The following BSN variants were observed in gnomAD, a reference collection of about 807,000 sequenced individuals.
BSN encodes the protein bassoon presynaptic cytomatrix protein, also known as protein bassoon.
Under a neutral mutation model 264.8 loss-of-function variants are expected in BSN, and 57 were observed. The ratio of observed to expected loss-of-function variants is 0.22; its 90% CI spans 0.17 to 0.27. The LOEUF is 0.27. BSN is among the 10% of genes least tolerant of loss of function. The probability of loss-of-function intolerance (pLI) is 1.00; values close to 1 mark genes in which losing one functional copy is unlikely to be tolerated. For synonymous variants in BSN, 2,059 were observed against 2,137.3 expected, an observed-to-expected ratio of 0.96 and a Z score of 1.01; for missense variants, 4,615 against 5,232.5, an observed-to-expected ratio of 0.88 and a Z score of 3.64.
Position 49,606,204 on chromosome 3 carries a change from T to A in BSN, c.225-18771T>A, listed in dbSNP as rs867915729. On this transcript the variant is annotated intron_variant, in intron 1 of 11. Coordinates refer to ENST00000296452, the MANE Select transcript of BSN (RefSeq NM_003458.4). Reference sequence around the variant, plus strand: ...GTATATATATTATATATACATATATTATATATGTATATATTATATATACAT... The same window carrying A: ...GTATATATATTATATATACATATATAATATATGTATATATTATATATACAT... Among the ~76,000 whole-genome samples, 131 of 56,672 alleles carry A rather than the reference T, an allele frequency of 2.3e-3. 6 individuals are homozygous for A. Among genetic ancestry groups the A allele is most frequent in the African/African-American group, 0.01 (124 of 12,340 alleles). The allele number at this position is 56,672 out of a possible 152,430, so 37.2% of individuals were successfully genotyped here. A position where few individuals can be genotyped will look rare whatever the true frequency, so the allele number is the denominator to read the frequency against.
At position 49,652,668 on chromosome 3, in the gene BSN, G is replaced by A. The variant is rs1284567295; in HGVS notation, c.3112G>A (p.Glu1038Lys). Reference protein sequence around the residue: ...RSHGPLLPTIEDSSEEEELRE... With the variant: ...RSHGPLLPTIKDSSEEEELRE... ...CCACGGGCCCCTGCTACCCACCATC[G>A]AGGACTCCTCAGAGGAGGAGGAGCT... The change falls in exon 5 of 12, where the codon GAG (glutamate) becomes AAG (lysine). Residue 1038 changes from glutamate to lysine, a missense_variant. By Grantham distance (56) the Glu-to-Lys change is moderately conservative (BLOSUM62 1). Around this residue, in one of 3 missense-constraint regions of BSN, gnomAD observed 3 missense variants for 18.1 expected, o/e 0.17. Coordinates refer to ENST00000296452, the MANE Select transcript of BSN (RefSeq NM_003458.4). 2 of 1,601,086 alleles carry A rather than the reference G, an allele frequency of 1.2e-6. No homozygotes were observed. Among genetic ancestry groups the A allele is most frequent in the Non-Finnish European group, 1.7e-6 (2 of 1,173,872 alleles).
intron 1 of BSN, among the ~76,000 whole-genome samples, chr3:49,589,134 G>A (rs868531652): frequency 6.9e-6 from 1 of 144,386 alleles, no homozygotes; most frequent in Non-Finnish European, 1.5e-5. Context: ...GGATGGTCTC[G>A]ATCTCCTGAC....
chr3:49,554,876 C>T (rs1343816558), intron 1 of BSN, 50 bp downstream of exon 1: 6 of 1,100,462 alleles, frequency 5.5e-6, no homozygotes, highest in Non-Finnish European at 5.7e-6. Context: ...AGCCTGAGGC[C>T]GGGACCCGGG....
At chr3:49,606,104 A>T (rs539397037) in intron 1 of BSN, among the ~76,000 whole-genome samples, 44 of 43,944 alleles carry the variant, frequency 1.0e-3, no homozygotes, top group African/African-American at 3.7e-3. Context: ...ATAACATATA[A>T]TATATAATAT....
At chr3:49,603,382 A>C (rs755097020) in intron 1 of BSN, among the ~76,000 whole-genome samples, 16 of 152,180 alleles carry the variant, frequency 1.1e-4, no homozygotes, top group Non-Finnish European at 2.4e-4. Context: ...GCCTTGCCCA[A>C]TTCCTTCTTT....
intron 1 of BSN, among the ~76,000 whole-genome samples, chr3:49,597,090 A>G (rs1169745583): frequency 3.3e-5 from 5 of 152,042 alleles, no homozygotes; most frequent in Non-Finnish European, 5.9e-5. Flanking sequence ...TTCAGACATG[A>G]TTTCTTCAAA....
At chr3:49,580,546 C>G (rs375241801) in intron 1 of BSN, among the ~76,000 whole-genome samples, 52 of 152,030 alleles carry the variant, frequency 3.4e-4, no homozygotes, top group East Asian at 2.9e-3. Flanking sequence ...GTCCTCTCAT[C>G]TCAGCCTCCC....
At chr3:49,613,640 G>A (rs1389555784) in intron 1 of BSN, among the ~76,000 whole-genome samples, 1 of 150,984 alleles carries the variant, frequency 6.6e-6, no homozygotes, top group Non-Finnish European at 1.5e-5. Flanking sequence ...GACTACAGGT[G>A]TGTGCCACCA....
intron 3 of BSN, among the ~76,000 whole-genome samples, chr3:49,648,551 C>T (rs887965145): frequency 1.3e-5 from 2 of 152,224 alleles, no homozygotes; most frequent in African/African-American, 4.8e-5. Context: ...CCATTGTGTA[C>T]ACAGGTGATG....
chr3:49,651,838 C>T lies in BSN; in HGVS notation c.2282C>T (p.Pro761Leu). 2 of 1,613,850 alleles carry T rather than the reference C, an allele frequency of 1.2e-6. No individual in the cohort carries two copies. Among genetic ancestry groups the T allele is most frequent in the Non-Finnish European group, 8.5e-7 (1 of 1,180,036 alleles). Reference sequence around the variant, plus strand: ...ACTGGCGAGGAGCAGAAGCAGCGGCCCCACTCCTTGTCCATCACGCCTGAG... The same window carrying T: ...ACTGGCGAGGAGCAGAAGCAGCGGCTCCACTCCTTGTCCATCACGCCTGAG... ...SGTGEEQKQR[P>L]HSLSITPEAF... Residue 761 changes from proline (P) to leucine (L), a missense_variant, in exon 5 of 12, where the codon CCC becomes CTC. Transcript: ENST00000296452. This position sits in a 1 kb window ranked among gnomAD's most constrained non-coding sequence, Gnocchi z 5.4.
chr3:49,665,055 G>T (rs2052702042), intron 10 of BSN, among the ~76,000 whole-genome samples, 174 bp from the exon 11 acceptor site: 1 of 152,118 alleles, frequency 6.6e-6, no homozygotes, highest in African/African-American at 2.4e-5. Context: ...CTACCATGGG[G>T]CCAACACAGT....
In BSN at chr3:49,663,383, A is replaced by G. The variant is rs765744518; in HGVS notation, c.11225A>G (p.Gln3742Arg). The change falls in exon 7 of 12, where the codon CAG becomes CGG. Residue 3742 changes from glutamine to arginine, a missense_variant. Around this residue, in one of 3 missense-constraint regions of BSN, gnomAD observed 3,415 missense variants for 3,866.4 expected, o/e 0.88. Coordinates refer to ENST00000296452, the MANE Select transcript of BSN (RefSeq NM_003458.4). ...PAALQSKAEP[Q>R]AQPQLQGRQA... ...GCACTGCAGTCAAAGGCAGAACCCC[A>G]GGCGCAGCCGCAGCTGCAAGGTCGG... is the stretch of plus-strand genomic sequence containing the variant. 13 of 1,612,926 alleles carry G rather than the reference A, an allele frequency of 8.1e-6. No individual in the cohort carries two copies. In the Admixed American group the frequency reaches 2.2e-4, roughly 27 times the overall value.
At chr3:49,600,006 C>G (rs1050248348) in intron 1 of BSN, among the ~76,000 whole-genome samples, 1 of 152,202 alleles carries the variant, frequency 6.6e-6, no homozygotes, top group African/African-American at 2.4e-5. Context: ...GGGGCCTACA[C>G]AGGGATAGGC....
intron 8 of BSN, 89 bp downstream of exon 8, chr3:49,663,975 A>C: frequency 1.6e-6 from 2 of 1,229,660 alleles, no homozygotes; most frequent in Non-Finnish European, 2.3e-6. Flanking sequence ...GCTCCCCCAC[A>C]CTGCATGCCC....
At chr3:49,579,979 A>C (rs2051882618) in intron 1 of BSN, among the ~76,000 whole-genome samples, 1 of 152,184 alleles carries the variant, frequency 6.6e-6, no homozygotes, top group South Asian at 2.1e-4. Flanking sequence ...TCCTTTCTAT[A>C]TGTCACCGGA....
Position 49,658,214 on chromosome 3 carries a change from G to A in BSN, c.8640+18G>A, listed in dbSNP as rs753538923. The A allele has an allele frequency of 1.3e-6, 2 of 1,522,572 alleles. No individual in the cohort carries two copies. Among genetic ancestry groups the A allele is most frequent in the South Asian group, 2.6e-5 (2 of 77,432 alleles). 94.3% of individuals were successfully genotyped at this position (1,522,572 alleles called of 1,614,324 possible). On this transcript the variant is annotated intron_variant, in intron 5 of 11. Coordinates refer to ENST00000296452, the MANE Select transcript of BSN (RefSeq NM_003458.4). ...GTAGCCAGGTATGGGAACAGGGGCTGTTCCAGGGTGGGACAGGGGTCTCTG... is the reference window on the plus strand; with the variant it reads ...GTAGCCAGGTATGGGAACAGGGGCTATTCCAGGGTGGGACAGGGGTCTCTG...
At chr3:49,588,954 G>A (rs1182155737) in intron 1 of BSN, among the ~76,000 whole-genome samples, 5 of 149,290 alleles carry the variant, frequency 3.3e-5, no homozygotes, top group African/African-American at 4.9e-5. Context: ...TCGCTCTGTC[G>A]CCCAGGCTGG....
chr3:49,609,723 G>A (rs1383670570), intron 1 of BSN, among the ~76,000 whole-genome samples: 2 of 152,206 alleles, frequency 1.3e-5, no homozygotes, highest in Non-Finnish European at 2.9e-5. Flanking sequence ...AGCTACCACA[G>A]GAAAGCCAGG....
At position 49,638,675 on chromosome 3, in the gene BSN, A is replaced by C. The variant is rs1303798427; in HGVS notation, c.634-3593A>C. Among the ~76,000 whole-genome samples, 1 of 152,154 alleles carries C rather than the reference A, an allele frequency of 6.6e-6. No homozygotes were observed. Among genetic ancestry groups the C allele is most frequent in the African/African-American group, 2.4e-5 (1 of 41,448 alleles). On this transcript the variant is annotated intron_variant, in intron 2 of 11. Transcript: ENST00000296452. This position sits in a 1 kb window ranked among gnomAD's most constrained non-coding sequence, Gnocchi z 4.3. ...TTCAGCCTTTTCTTGGAGAAGTTCT[A>C]TTTTAGGTGAGATGCCTGTGCCACA...
Sources: allele counts gnomAD v4.1 joint callset (sites outside exome capture counted in the v4.1 genomes callset), GRCh38; gene constraint gnomAD v4.1.1; regional missense constraint gnomAD v4.1.1; non-coding constraint Gnocchi (gnomAD v3.1); transcripts MANE v1.5; gene names NCBI Gene and HGNC (gene_info 2026-07-23, HGNC 2026-07-21).